PCDHA9: variants seen among roughly 807,000 people sequenced by gnomAD.
PCDHA9 encodes protocadherin alpha 9.
PCDHA9 carries 62 observed loss-of-function variants against 62.0 expected under a neutral mutation model. That is an observed-to-expected ratio of 1.00 (90% CI 0.81 to 1.23). The LOEUF is 1.23. Among genes scored for constraint, PCDHA9 ranks in the 50% most tolerant of loss-of-function variants. The probability of loss-of-function intolerance (pLI) is 0.00; values close to 1 mark genes in which losing one functional copy is unlikely to be tolerated. For missense variants in PCDHA9, 1,205 were observed against 1,249.8 expected, an observed-to-expected ratio of 0.96 and a Z score of 0.54; for synonymous variants, 557 against 567.6, an observed-to-expected ratio of 0.98 and a Z score of 0.27.
chr5:140,972,512 C>T (rs1586536091), intron 1 of PCDHA9, among the ~76,000 whole-genome samples: 1 of 152,018 alleles, frequency 6.6e-6, no homozygotes, highest in Non-Finnish European at 1.5e-5. Context: ...GATTTTACCC[C>T]CAGTGAGCTT....
At chr5:140,967,102 G>T (rs1279026258) in intron 1 of PCDHA9, 1 of 1,612,978 alleles carries the variant, frequency 6.2e-7, no homozygotes, top group African/African-American at 1.3e-5. Context: ...CGCTGTGTGA[G>T]CAGCGGCCTC....
intron 1 of PCDHA9, among the ~76,000 whole-genome samples, chr5:140,911,469 A>T (rs1365800005): frequency 3.3e-5 from 5 of 151,880 alleles, no homozygotes; most frequent in African/African-American, 9.7e-5. Context: ...AGGAGATAAG[A>T]CTCTCACTCA....
At chr5:140,997,206 T>A (rs2097763489) in intron 3 of PCDHA9, among the ~76,000 whole-genome samples, 1 of 152,118 alleles carries the variant, frequency 6.6e-6, no homozygotes, top group Non-Finnish European at 1.5e-5. Context: ...ATTGACATCA[T>A]TATTGAAACT....
At chr5:140,947,010 A>C (rs924112965) in intron 1 of PCDHA9, among the ~76,000 whole-genome samples, 7 of 151,752 alleles carry the variant, frequency 4.6e-5, no homozygotes, top group African/African-American at 1.4e-4. Flanking sequence ...AGAAATGATA[A>C]ATGTTTGAGG....
intron 3 of PCDHA9, among the ~76,000 whole-genome samples, chr5:140,996,371 C>G (rs1183587138): frequency 6.6e-6 from 1 of 152,126 alleles, no homozygotes; most frequent in Admixed American, 6.6e-5. Context: ...ATTTTGTTGT[C>G]GGCTGAAATA....
Position 140,849,862 on chromosome 5 carries a change from C to G in PCDHA9, c.1367C>G (p.Ala456Gly). Reference protein sequence around the residue: ...ADVNDNAPAFAQSEYTVFVKE... With the variant: ...ADVNDNAPAFGQSEYTVFVKE... ...GTGAACGACAACGCACCAGCGTTCG[C>G]GCAGTCCGAGTACACGGTGTTCGTG... The change falls in exon 1 of 4, where the codon GCG becomes GGG. Residue 456 changes from alanine (A) to glycine (G), a missense_variant. Coordinates refer to ENST00000532602, the MANE Select transcript of PCDHA9 (RefSeq NM_031857.2). The G allele has an allele frequency of 6.3e-7, 1 of 1,598,598 alleles. No homozygotes were observed. Among genetic ancestry groups the G allele is most frequent in the Non-Finnish European group, 8.6e-7 (1 of 1,168,010 alleles).
At chr5:140,975,093 T>C (rs578045924) in intron 1 of PCDHA9, among the ~76,000 whole-genome samples, 2 of 152,266 alleles carry the variant, frequency 1.3e-5, no homozygotes, top group South Asian at 2.1e-4. Context: ...ATCCAGTTGT[T>C]TGGGGACTGA....
chr5:140,873,098 T>C (rs1281569389), intron 1 of PCDHA9, among the ~76,000 whole-genome samples: 1 of 152,200 alleles, frequency 6.6e-6, no homozygotes, highest in Non-Finnish European at 1.5e-5. Flanking sequence ...TATAGAGGCA[T>C]AACATACCAT....
chr5:140,936,091 C>T (rs782416143), intron 1 of PCDHA9, among the ~76,000 whole-genome samples: 2 of 152,046 alleles, frequency 1.3e-5, no homozygotes, highest in Non-Finnish European at 2.9e-5. Flanking sequence ...CAGGGTTTCA[C>T]CATGTTGGCC....
rs782646556 is a variant in PCDHA9 at position 140,869,083 on chromosome 5, T to G, written c.2394+18194T>G. 1.6e-5 allele frequency: 26 copies of G among 1,582,872 alleles called. No individual in the cohort carries two copies. The South Asian group carries it at 2.9e-4, about 18-fold the overall frequency. On this transcript the variant is annotated intron_variant, in intron 1 of 3. Coordinates refer to ENST00000532602, the MANE Select transcript of PCDHA9 (RefSeq NM_031857.2). ...ACTGTAAGTGTAAAGAAGCTTATTT[T>G]GGAAGCCAATTTCGTATGCGATGTT...
intron 3 of PCDHA9, among the ~76,000 whole-genome samples, chr5:141,004,757 A>T (rs964370551): frequency 3.9e-5 from 6 of 152,164 alleles, no homozygotes; most frequent in African/African-American, 1.4e-4. Flanking sequence ...TCTCTTAGAG[A>T]CAGGACCTGT....
chr5:140,858,033 C>T (rs1249815194), intron 1 of PCDHA9: 2 of 1,597,066 alleles, frequency 1.3e-6, no homozygotes, highest in Non-Finnish European at 1.7e-6. Context: ...ACGGCCACGG[C>T]CACTGTGCTT....
chr5:140,865,900 C>T (rs1012769998), intron 1 of PCDHA9: 18 of 152,230 alleles, frequency 1.2e-4, no homozygotes, highest in African/African-American at 3.8e-4. Context: ...TGTGTACAGG[C>T]AAATCTTTCT....
chr5:140,972,072 T>C (rs1380413898), intron 1 of PCDHA9, among the ~76,000 whole-genome samples: 1 of 152,212 alleles, frequency 6.6e-6, no homozygotes, highest in Non-Finnish European at 1.5e-5. Flanking sequence ...ATTAACTGCT[T>C]TTGGAAAAAG....
chr5:140,868,731 G>A (rs1002022928), intron 1 of PCDHA9: 2 of 192,996 alleles, frequency 1.0e-5, no homozygotes, highest in South Asian at 1.2e-4. Context: ...GATGTTAATC[G>A]AGAAATACAA....
At chr5:141,007,933 A>T (rs1168610845) in intron 3 of PCDHA9, among the ~76,000 whole-genome samples, 1 of 152,212 alleles carries the variant, frequency 6.6e-6, no homozygotes, top group African/African-American at 2.4e-5. Context: ...TGGAATTCTA[A>T]GCCACCTTTT....
chr5:140,916,051 G>A (rs2153537424), intron 1 of PCDHA9, among the ~76,000 whole-genome samples: 1 of 152,240 alleles, frequency 6.6e-6, no homozygotes, highest in African/African-American at 2.4e-5. Context: ...ACAGGCAGAG[G>A]TGCCTCTCCC....
rs2150434628 is a variant in PCDHA9, at chr5:140,849,311, C to T, written c.816C>T (p.Gly272=). Residue 272 remains glycine, a synonymous_variant, in exon 1 of 4, where the codon GGC becomes GGT. Transcript: ENST00000532602. ...IHPNASDLDE[G]LNGDIIYSFS... ...CCAATGCCTCAGATTTAGACGAAGGCTTGAATGGGGATATTATTTACTCCT... is the reference window on the plus strand; with the variant it reads ...CCAATGCCTCAGATTTAGACGAAGGTTTGAATGGGGATATTATTTACTCCT... 446 of 1,312,408 alleles carry T rather than the reference C, an allele frequency of 3.4e-4. 16 individuals carry two copies. The African/African-American group carries it at 6.8e-3, about 20-fold the overall frequency. 81.3% of individuals were successfully genotyped at this position (1,312,408 alleles called of 1,614,324 possible). A position where few individuals can be genotyped will look rare whatever the true frequency, so the allele number is the denominator to read the frequency against.
chr5:140,870,553 C>T, intron 1 of PCDHA9: 1 of 1,614,032 alleles, frequency 6.2e-7, no homozygotes, highest in East Asian at 2.2e-5. Flanking sequence ...CGCGGACGCG[C>T]AGGAGAACGC....
Sources: gnomAD v4.1 joint callset for allele counts (sites outside exome capture counted in the v4.1 genomes callset) on GRCh38, gnomAD v4.1.1 for gene constraint, MANE v1.5 for transcripts, NCBI Gene and HGNC (gene_info 2026-07-23, HGNC 2026-07-21) for gene names.